MCTP2: variants seen among roughly 807,000 people sequenced by gnomAD.
The protein encoded by MCTP2 is multiple C2 and transmembrane domain-containing protein 2.
A neutral mutation model predicts 111.6 loss-of-function variants in MCTP2; 132 were observed. The ratio of observed to expected loss-of-function variants is 1.18; its 90% CI spans 1.03 to 1.37. The LOEUF is 1.37. MCTP2 is among the 40% of genes most tolerant of loss of function. The pLI is 0.00. For missense variants in MCTP2, 1,183 were observed against 1,067.9 expected, an observed-to-expected ratio of 1.11 and a Z score of -1.50; for synonymous variants, 395 against 387.7, an observed-to-expected ratio of 1.02 and a Z score of -0.22.
chr15:94,447,818 T>C (rs564468291), intron 19 of MCTP2, among the ~76,000 whole-genome samples: 4 of 152,376 alleles, frequency 2.6e-5, no homozygotes, highest in African/African-American at 9.6e-5. Context: ...TATCTTTGAA[T>C]GGTTAACAAT....
Position 94,339,412 on chromosome 15 carries a change from G to C in MCTP2, c.760G>C (p.Asp254His), listed in dbSNP as rs1458131641. The C allele has an allele frequency of 6.2e-7, 1 of 1,604,012 alleles. No homozygotes were observed. Among genetic ancestry groups the C allele is most frequent in the Non-Finnish European group, 8.5e-7 (1 of 1,176,226 alleles). ...AGTTGTATTGCCAATCCAAAGCCTT[G>C]ATCAAAAGCTACGTGTGAAGGTAAT... ...EIVVLPIQSLDQKLRVKVYDR... is the reference protein window; with the variant it reads ...EIVVLPIQSLHQKLRVKVYDR... The change falls in exon 5 of 23, where the codon GAT becomes CAT. Residue 254 changes from aspartate (D) to histidine (H), a missense_variant. Transcript: ENST00000357742.
At chr15:94,476,651 G>GACAA (rs779838656) in intron 21 of MCTP2, 45 bp from the exon 22 acceptor site, 10 of 906,078 alleles carry the variant, frequency 1.1e-5, no homozygotes, top group Admixed American at 3.6e-5. Context: ...TAGATAGATA[G>GACAA]ACAGACAGAC....
At chr15:94,395,351 G>A (rs1281987015) in intron 14 of MCTP2, among the ~76,000 whole-genome samples, 2 of 152,158 alleles carry the variant, frequency 1.3e-5, no homozygotes, top group Non-Finnish European at 2.9e-5. Context: ...AAACAATGGG[G>A]AATCAGTATG....
At chr15:94,419,688 C>A (rs1231776538) in intron 17 of MCTP2, among the ~76,000 whole-genome samples, 1 of 151,666 alleles carries the variant, frequency 6.6e-6, no homozygotes, top group African/African-American at 2.4e-5. Flanking sequence ...ATCTTCACCT[C>A]TTTTACATTA....
chr15:94,250,338 G>A (rs1050148897), intron 1 of MCTP2, among the ~76,000 whole-genome samples: 18 of 152,288 alleles, frequency 1.2e-4, no homozygotes, highest in African/African-American at 4.3e-4. Context: ...TAGTAACTCA[G>A]TTGTCACCTT....
rs1413053666 is a variant in MCTP2, at chr15:94,358,486, T to C, written c.1175T>C (p.Leu392Pro). ...TTATAACTGCATGTTTTCTAGACAC[T>C]GTGTAAGAGTGCAAATCCGCAGTGG... ...LGDQRYKSKT[L>P]CKSANPQWQE... Residue 392 changes from leucine (L) to proline (P), a missense_variant, in exon 10 of 23, where the codon CTG (leucine) becomes CCG (proline). Coordinates refer to ENST00000357742, the MANE Select transcript of MCTP2 (RefSeq NM_001385001.1). 1.2e-6 allele frequency: 2 copies of C among 1,612,622 alleles called. No individual in the cohort carries two copies. The highest frequency in any genetic ancestry group is 2.2e-5 in the East Asian group (1 of 44,856).
At chr15:94,347,546 G>C (rs1025222081) in intron 8 of MCTP2, among the ~76,000 whole-genome samples, 1 of 151,616 alleles carries the variant, frequency 6.6e-6, no homozygotes, top group African/African-American at 2.4e-5. Flanking sequence ...TTTTCTTACT[G>C]TTCGGCCCTG....
intron 17 of MCTP2, 28 bp from the exon 18 acceptor site, chr15:94,440,148 C>A: frequency 6.2e-7 from 1 of 1,611,478 alleles, no homozygotes; most frequent in South Asian, 1.1e-5. Context: ...ATCAAGCAGT[C>A]GTGTATTCTT....
chr15:94,299,096 G>C (rs1240013328), intron 2 of MCTP2, among the ~76,000 whole-genome samples: 1 of 134,502 alleles, frequency 7.4e-6, no homozygotes. Context: ...TTCGTGGTTA[G>C]CTCAGATGGG....
At chr15:94,304,214 G>T (rs1207609895) in intron 2 of MCTP2, among the ~76,000 whole-genome samples, 7 of 152,190 alleles carry the variant, frequency 4.6e-5, no homozygotes, top group Admixed American at 1.3e-4. Context: ...GGCTAACATG[G>T]GTGGATCACT....
chr15:94,278,032 G>T (rs1456138480), intron 1 of MCTP2: 2 of 152,100 alleles, frequency 1.3e-5, no homozygotes, highest in African/African-American at 4.8e-5. Flanking sequence ...TACAAAAAAA[G>T]ATATAAAAAG....
At chr15:94,258,272 A>G (rs2072963176) in intron 1 of MCTP2, among the ~76,000 whole-genome samples, 1 of 152,070 alleles carries the variant, frequency 6.6e-6, no homozygotes, top group South Asian at 2.1e-4. Flanking sequence ...AGTTATCCAG[A>G]TTTCTCTAAG....
chr15:94,461,515 G>T (rs1466250233), intron 20 of MCTP2, among the ~76,000 whole-genome samples: 1 of 152,128 alleles, frequency 6.6e-6, no homozygotes, highest in Non-Finnish European at 1.5e-5. Context: ...ACAGCAGGCA[G>T]AGTGGTGCAG....
intron 1 of MCTP2, among the ~76,000 whole-genome samples, chr15:94,286,129 G>T (rs968720858): frequency 2.0e-5 from 3 of 152,182 alleles, no homozygotes; most frequent in Non-Finnish European, 4.4e-5. Flanking sequence ...CTCTGGAAAT[G>T]ATCTAGAGAG....
chr15:94,442,167 G>T (rs1246481372), intron 18 of MCTP2, among the ~76,000 whole-genome samples: 2 of 152,324 alleles, frequency 1.3e-5, no homozygotes, highest in East Asian at 3.9e-4. Flanking sequence ...AGACCGTGTT[G>T]TCTAACACTG....
chr15:94,291,648 G>T (rs28716778), intron 1 of MCTP2, among the ~76,000 whole-genome samples: 94,697 of 151,808 alleles, frequency 0.62, 29,669 homozygotes, highest in East Asian at 0.7. Context: ...TTTTACATAA[G>T]ACATGACCCA....
chr15:94,449,422 C>G (rs955009796), intron 19 of MCTP2, among the ~76,000 whole-genome samples: 1 of 152,208 alleles, frequency 6.6e-6, no homozygotes, highest in African/African-American at 2.4e-5. Context: ...TCAAACCCAT[C>G]TCTTCTGGTC....
chr15:94,284,415 G>A (rs1311275309), intron 1 of MCTP2, among the ~76,000 whole-genome samples: 1 of 152,150 alleles, frequency 6.6e-6, no homozygotes, highest in Non-Finnish European at 1.5e-5. Flanking sequence ...ATAGAGTTAA[G>A]CATCTTAAGT....
chr15:94,471,242 T>C (rs561812718), intron 21 of MCTP2, among the ~76,000 whole-genome samples: 1 of 152,308 alleles, frequency 6.6e-6, no homozygotes, highest in South Asian at 2.1e-4. Flanking sequence ...TGGTTTTCCA[T>C]GACTTAGCTA....
Sources: allele counts gnomAD v4.1 joint callset (sites outside exome capture counted in the v4.1 genomes callset), GRCh38; gene constraint gnomAD v4.1.1; transcripts MANE v1.5; gene names NCBI Gene and HGNC (gene_info 2026-07-23, HGNC 2026-07-21).